The following PCSK5 variants were observed in gnomAD, a reference collection of about 807,000 sequenced individuals.
PCSK5 encodes prohormone convertase 5.
Under a neutral mutation model 233.2 loss-of-function variants are expected in PCSK5, and 129 were observed. That is an observed-to-expected ratio of 0.55 (90% CI 0.48 to 0.64). The LOEUF is 0.64. PCSK5 is among the 30% of genes least tolerant of loss of function. PCSK5 has a pLI of 0.00. For synonymous variants in PCSK5, 825 were observed against 879.2 expected, an observed-to-expected ratio of 0.94 and a Z score of 1.09; for missense variants, 2,076 against 2,430.1, an observed-to-expected ratio of 0.85 and a Z score of 3.06.
At chr9:76,140,763 C>T (rs1424558981) in intron 10 of PCSK5, among the ~76,000 whole-genome samples, 2 of 152,152 alleles carry the variant, frequency 1.3e-5, no homozygotes, top group Admixed American at 1.3e-4. Flanking sequence ...ATCTTTAAAG[C>T]TGTAATTAAT....
chr9:75,971,744 C>T (rs1825822527), intron 2 of PCSK5, among the ~76,000 whole-genome samples: 1 of 151,642 alleles, frequency 6.6e-6, no homozygotes, highest in Non-Finnish European at 1.5e-5. Flanking sequence ...TGAGAAGTAC[C>T]TGTTCATGTC....
intron 14 of PCSK5, 93 bp downstream of exon 14, chr9:76,175,222 A>AATGGAATGG (rs1823526145): frequency 5.9e-6 from 3 of 510,742 alleles, no homozygotes; most frequent in Admixed American, 3.0e-5. Flanking sequence ...GAATGGAATG[A>AATGGAATGG]AATGGAATGG....
In PCSK5 at chr9:76,300,154, A is replaced by T. The variant is rs1828559516; in HGVS notation, c.3524-1983A>T. The stretch of plus-strand genomic sequence containing the variant: ...TGAAATCCCAGAGTTAGTCACAAAC[A>T]CTGAAAGTCACTCACATGTGAAAAA... On this transcript the variant is annotated intron_variant, in intron 27 of 37. Coordinates refer to ENST00000674117, the MANE Select transcript of PCSK5 (RefSeq NM_001372043.1). Among the ~76,000 whole-genome samples the T allele has an allele frequency of 2.0e-5, 3 of 152,226 alleles. 1 individual carries two copies. Among genetic ancestry groups the T allele is most frequent in the African/African-American group, 7.2e-5 (3 of 41,452 alleles).
intron 10 of PCSK5, among the ~76,000 whole-genome samples, chr9:76,144,715 T>C (rs1339398536): frequency 6.6e-6 from 1 of 152,224 alleles, no homozygotes; most frequent in African/African-American, 2.4e-5. Context: ...TTTTAAGAAG[T>C]ATGCATCCAG....
intron 30 of PCSK5, 151 bp from the exon 31 acceptor site, chr9:76,321,271 T>C (rs1434570254): frequency 3.4e-6 from 2 of 584,324 alleles, no homozygotes; most frequent in Non-Finnish European, 6.1e-6. Flanking sequence ...TTTCTGAATG[T>C]TCTTTTCACT....
chr9:75,942,220 C>G (rs1341330648), intron 2 of PCSK5, among the ~76,000 whole-genome samples: 1 of 152,212 alleles, frequency 6.6e-6, no homozygotes, highest in Non-Finnish European at 1.5e-5. Flanking sequence ...TTTAAAAGGA[C>G]ATGCAAGTCT....
chr9:76,154,859 T>C (rs2131808455), intron 10 of PCSK5, among the ~76,000 whole-genome samples: 1 of 152,302 alleles, frequency 6.6e-6, no homozygotes, highest in African/African-American at 2.4e-5. Context: ...TTTAGTTCCT[T>C]AAGCCCAAAT....
At chr9:76,355,994 G>A (rs890340754) in intron 37 of PCSK5, among the ~76,000 whole-genome samples, 3 of 152,120 alleles carry the variant, frequency 2.0e-5, no homozygotes, top group South Asian at 2.1e-4. Context: ...GTGAGCTACC[G>A]CGCCTGGCTT....
At position 76,205,146 on chromosome 9, in the gene PCSK5, T is replaced by C. The variant is rs781553917; in HGVS notation, c.2626+15400T>C. On this transcript the variant is annotated intron_variant, in intron 20 of 37. Coordinates refer to ENST00000674117, the MANE Select transcript of PCSK5 (RefSeq NM_001372043.1). ...AAAGATCTCATTGTCAGGTATTTTTTCCCCCACCAAAATATATAAACCTCA... is the reference window on the plus strand; with the variant it reads ...AAAGATCTCATTGTCAGGTATTTTTCCCCCCACCAAAATATATAAACCTCA... The C allele has an allele frequency of 2.1e-5, 11 of 518,838 alleles. No individual in the cohort carries two copies. In the East Asian group the frequency reaches 4.9e-4, roughly 23 times the overall value. 32.1% of individuals were successfully genotyped at this position (518,838 alleles called of 1,614,324 possible).
At chr9:76,301,759 G>A (rs997137700) in intron 27 of PCSK5, among the ~76,000 whole-genome samples, 9 of 152,056 alleles carry the variant, frequency 5.9e-5, no homozygotes, top group South Asian at 2.1e-4. Flanking sequence ...CAGGAGAATC[G>A]CTTGAACCTG....
At chr9:76,273,809 T>C (rs1401203043) in intron 24 of PCSK5, among the ~76,000 whole-genome samples, 1 of 149,546 alleles carries the variant, frequency 6.7e-6, no homozygotes, top group African/African-American at 2.4e-5. Context: ...ATTTTTAATT[T>C]TTTTTTTCTT....
chr9:76,311,367 AT>A (rs1828860950), intron 30 of PCSK5, among the ~76,000 whole-genome samples: 1 of 150,956 alleles, frequency 6.6e-6, no homozygotes, highest in South Asian at 2.1e-4. Context: ...AAAAAAAAAA[AT>A]TATTTTCCCA....
Position 76,134,716 on chromosome 9 carries a change from A to T in PCSK5, c.1312+504A>T, listed in dbSNP as rs555575660. On this transcript the variant is annotated intron_variant, in intron 10 of 37. Transcript: ENST00000674117. Reference sequence around the variant, plus strand: ...TAATAATTCTAAGAAATGTTACTTTATATAAACTAAAAATTTTAATGAAGC... The same window carrying T: ...TAATAATTCTAAGAAATGTTACTTTTTATAAACTAAAAATTTTAATGAAGC... Among the ~76,000 whole-genome samples the T allele has an allele frequency of 7.9e-5, 12 of 152,194 alleles. 1 individual carries two copies. The highest frequency in any genetic ancestry group is 2.9e-4 in the African/African-American group (12 of 41,560).
chr9:76,137,449 T>C (rs1823031596), intron 10 of PCSK5, among the ~76,000 whole-genome samples: 1 of 145,150 alleles, frequency 6.9e-6, no homozygotes, highest in Non-Finnish European at 1.5e-5. Flanking sequence ...GATTATTCTA[T>C]CCTGCTGTTT....
intron 3 of PCSK5, among the ~76,000 whole-genome samples, chr9:75,988,994 G>A (rs949281726): frequency 6.6e-6 from 1 of 152,200 alleles, no homozygotes; most frequent in Non-Finnish European, 1.5e-5. Context: ...TGGGTCCCCT[G>A]TGGGATAAAT....
intron 9 of PCSK5, among the ~76,000 whole-genome samples, chr9:76,124,602 G>A (rs1243616349): frequency 1.3e-5 from 2 of 151,618 alleles, no homozygotes; most frequent in African/African-American, 2.4e-5. Context: ...AAAATTATCC[G>A]GGCATGGTGG....
chr9:76,153,471 C>T (rs1309133881), intron 10 of PCSK5, among the ~76,000 whole-genome samples: 1 of 152,210 alleles, frequency 6.6e-6, no homozygotes, highest in Non-Finnish European at 1.5e-5. Context: ...GCATTTTACA[C>T]AGTGCTTGCA....
At chr9:76,269,190 T>C (rs769728449) in intron 24 of PCSK5, among the ~76,000 whole-genome samples, 13 of 152,210 alleles carry the variant, frequency 8.5e-5, no homozygotes, top group Non-Finnish European at 1.6e-4. Context: ...TCCTTAAATA[T>C]AGTTTAAACA....
rs185768340 is a variant in PCSK5 at position 76,359,362 on chromosome 9, C to A, written c.*440C>A. 448 of 166,774 alleles carry A rather than the reference C, an allele frequency of 2.7e-3. No homozygotes were observed. The highest frequency in any genetic ancestry group is 4.4e-3 in the Non-Finnish European group (335 of 75,794). 10.3% of individuals were successfully genotyped at this position (166,774 alleles called of 1,614,324 possible). On this transcript the variant is annotated 3_prime_UTR_variant, in exon 38 of 38. Coordinates refer to ENST00000674117, the MANE Select transcript of PCSK5 (RefSeq NM_001372043.1). ...TCTAATTTTGGGGATAATGGAGGTA[C>A]AAAGGAGTTGTTGGTTTGGTGGTGT...
Sources: gnomAD v4.1 joint callset for allele counts (sites outside exome capture counted in the v4.1 genomes callset) on GRCh38, gnomAD v4.1.1 for gene constraint, MANE v1.5 for transcripts, NCBI Gene and HGNC (gene_info 2026-07-23, HGNC 2026-07-21) for gene names.